The following SERPINB7 variants were observed in gnomAD, a reference collection of about 807,000 sequenced individuals.
SERPINB7 encodes the protein serpin family B member 7, also known as serpin B7.
Under a neutral mutation model 37.4 loss-of-function variants are expected in SERPINB7, and 31 were observed. That is an observed-to-expected ratio of 0.83 (90% confidence interval 0.62 to 1.12). The LOEUF (loss-of-function observed/expected upper bound fraction) is 1.12. Among genes scored for constraint, SERPINB7 ranks in the 50% most tolerant of loss-of-function variants. The pLI is 0.00. For missense variants in SERPINB7, 521 were observed against 455.3 expected, an observed-to-expected ratio of 1.14 and a Z score of -1.31; for synonymous variants, 163 against 166.1, an observed-to-expected ratio of 0.98 and a Z score of 0.14.
intron 2 of SERPINB7, among the ~76,000 whole-genome samples, chr18:63,783,218 G>GAAAGAAAGAAAGAAAGAA (rs1223366986): frequency 1.4e-5 from 1 of 71,082 alleles, no homozygotes; most frequent in African/African-American, 5.3e-5. Context: ...GAGAGAGAGA[G>GAAAGAAAGAAAGAAAGAA]AGAGAGAGAG....
Position 63,783,229 on chromosome 18 carries a change from AGAG to A in SERPINB7, c.168+690_168+692del, listed in dbSNP as rs2049327483. On this transcript the variant is annotated intron_variant, in intron 2 of 7. Coordinates refer to ENST00000398019, the MANE Select transcript of SERPINB7 (RefSeq NM_003784.4). Reference sequence around the variant, plus strand: ...GAGAGAGAGAGAGAGAGAGAGAGAGAGAGAGAAAGAAAGAAAGAAAGAAAGAAA... The same window carrying A: ...GAGAGAGAGAGAGAGAGAGAGAGAGAAGAAAGAAAGAAAGAAAGAAAGAAA... Among the ~76,000 whole-genome samples, 499 of 73,050 alleles carry A rather than the reference AGAG, an allele frequency of 6.8e-3. 2 individuals are homozygous for A. Among genetic ancestry groups the A allele is most frequent in the Non-Finnish European group, 0.01 (308 of 30,716 alleles). 47.9% of individuals were successfully genotyped at this position (73,050 alleles called of 152,430 possible).
chr18:63,759,397 A>T (rs912709344), intron 1 of SERPINB7, among the ~76,000 whole-genome samples: 2 of 152,164 alleles, frequency 1.3e-5, no homozygotes, highest in Admixed American at 6.5e-5. Context: ...ATGACAAAGG[A>T]GCTTAACTGA....
chr18:63,797,453 G>A (rs1286693788), intron 5 of SERPINB7, among the ~76,000 whole-genome samples: 2 of 151,988 alleles, frequency 1.3e-5, no homozygotes, highest in African/African-American at 4.8e-5. Context: ...TAAAATCTAG[G>A]TGGGATTCTA....
intron 1 of SERPINB7, among the ~76,000 whole-genome samples, chr18:63,764,271 C>A (rs1751333397): frequency 6.6e-6 from 1 of 152,192 alleles, no homozygotes; most frequent in African/African-American, 2.4e-5. Context: ...AAGGTGTTAC[C>A]ACTCTACTGT....
At position 63,804,315 on chromosome 18, in the gene SERPINB7, T is replaced by C. The variant is rs1386876942; in HGVS notation, c.823T>C (p.Phe275Leu). The change falls in exon 8 of 8, where the codon TTT becomes CTT. Residue 275 changes from phenylalanine to leucine, a missense_variant. Phe to Leu is a conservative substitution (Grantham distance 22). Transcript: ENST00000398019. ...AATGACCTCTAAGTATGTTGAGGTA[T>C]TTTTTCCTCAGTTCAAGATAGAGAA... ...RRMTSKYVEV[F>L]FPQFKIEKNY... is the part of the protein sequence containing the mutation. The C allele has an allele frequency of 6.2e-7, 1 of 1,612,090 alleles. No individual in the cohort carries two copies. Among genetic ancestry groups the C allele is most frequent in the Non-Finnish European group, 8.5e-7 (1 of 1,178,762 alleles).
At chr18:63,771,211 C>T (rs1395959291), upstream of SERPINB7, among the ~76,000 whole-genome samples, 1 of 151,888 alleles carries the variant, frequency 6.6e-6, no homozygotes, top group Non-Finnish European at 1.5e-5. Context: ...AGTGAAAGTT[C>T]GGGGATGGGA....
chr18:63,803,744 C>T (rs2049574586), intron 7 of SERPINB7, among the ~76,000 whole-genome samples: 2 of 152,178 alleles, frequency 1.3e-5, no homozygotes, highest in Non-Finnish European at 2.9e-5. Context: ...ATTGGTCACC[C>T]AAACCTTTGA....
At chr18:63,793,119 T>C (rs771206771) in intron 3 of SERPINB7, 42 bp from the exon 4 acceptor site, 2 of 1,079,522 alleles carry the variant, frequency 1.9e-6, no homozygotes, top group South Asian at 1.5e-5. Context: ...TGCATATCTT[T>C]GCAGTCCAAA....
chr18:63,777,670 A>C (rs1025260513), intron 1 of SERPINB7: 8 of 152,390 alleles, frequency 5.2e-5, no homozygotes, highest in African/African-American at 1.9e-4. Context: ...GCATCTGAAT[A>C]TATTTATTTT....
At chr18:63,780,968 G>A (rs956388524) in intron 1 of SERPINB7, among the ~76,000 whole-genome samples, 10 of 152,066 alleles carry the variant, frequency 6.6e-5, no homozygotes, top group Admixed American at 2.0e-4. Context: ...CTCATTGAAC[G>A]TCTACTCTGG....
At position 63,775,531 on chromosome 18, in the gene SERPINB7, T is replaced by C. The variant is rs1424557643; in HGVS notation, c.-204T>C. 6.6e-6 allele frequency: 1 copy of C among 152,162 alleles called. No individual in the cohort carries two copies. Among genetic ancestry groups the C allele is most frequent in the African/African-American group, 2.4e-5 (1 of 41,442 alleles). 9.4% of individuals were successfully genotyped at this position (152,162 alleles called of 1,614,324 possible). On this transcript the variant is annotated 5_prime_UTR_variant, in exon 1 of 8. Transcript: ENST00000398019. ...GTCTAGAAATGCTGACTTTGGTTCA[T>C]TAGGTAGTGGTAAAACAGGCTCCCT...
intron 1 of SERPINB7, among the ~76,000 whole-genome samples, chr18:63,757,043 T>G (rs1488653862): frequency 6.6e-6 from 1 of 152,172 alleles, no homozygotes; most frequent in Non-Finnish European, 1.5e-5. Context: ...TCTGTTCATG[T>G]GCTTAGCCCA....
At chr18:63,785,901 A>G (rs1297179446) in intron 2 of SERPINB7, among the ~76,000 whole-genome samples, 1 of 134,042 alleles carries the variant, frequency 7.5e-6, no homozygotes, top group Non-Finnish European at 1.5e-5. Context: ...TATATAATAT[A>G]CGTATATATA....
intron 6 of SERPINB7, among the ~76,000 whole-genome samples, chr18:63,799,432 C>A (rs1228419458): frequency 6.6e-6 from 1 of 152,152 alleles, no homozygotes; most frequent in Non-Finnish European, 1.5e-5. Context: ...CTCCTAATTT[C>A]TTTTTATTTT....
At chr18:63,788,306 G>A (rs1032737717) in intron 2 of SERPINB7, among the ~76,000 whole-genome samples, 1 of 152,174 alleles carries the variant, frequency 6.6e-6, no homozygotes, top group African/African-American at 2.4e-5. Context: ...CTGACTCTGT[G>A]TAGGCCTAGG....
intron 1 of SERPINB7, among the ~76,000 whole-genome samples, chr18:63,779,505 C>T (rs1406110711): frequency 1.3e-5 from 2 of 152,074 alleles, no homozygotes; most frequent in African/African-American, 2.4e-5. Context: ...TTATTTTAAG[C>T]ATACATGAAC....
At chr18:63,786,136 CATATAT>C (rs879741756) in intron 2 of SERPINB7, among the ~76,000 whole-genome samples, 2 of 120,068 alleles carry the variant, frequency 1.7e-5, no homozygotes, top group African/African-American at 6.8e-5. Flanking sequence ...TACGTATATA[CATATAT>C]ACACACACAC....
intron 1 of SERPINB7, among the ~76,000 whole-genome samples, chr18:63,757,756 C>A (rs1275249281): frequency 6.6e-6 from 1 of 152,216 alleles, no homozygotes; most frequent in Admixed American, 6.5e-5. Flanking sequence ...TAATGAAACA[C>A]ATTCTGTAAC....
upstream of SERPINB7, among the ~76,000 whole-genome samples, chr18:63,771,954 C>T (rs1270546883): frequency 6.6e-6 from 1 of 151,218 alleles, no homozygotes; most frequent in African/African-American, 2.4e-5. Context: ...TCTATTTCAG[C>T]TGCTTCTTTT....
Sources: gnomAD v4.1 joint callset for allele counts (sites outside exome capture counted in the v4.1 genomes callset) on GRCh38, gnomAD v4.1.1 for gene constraint, MANE v1.5 for transcripts, NCBI Gene and HGNC (gene_info 2026-07-23, HGNC 2026-07-21) for gene names.